Variants in AUTS2 observed in about 807,000 individuals in gnomAD.
AUTS2 encodes the protein activator of transcription and developmental regulator AUTS2.
Under a neutral mutation model 112.4 loss-of-function variants are expected in AUTS2, and 17 were observed. The ratio of observed to expected loss-of-function variants is 0.15; its 90% CI spans 0.10 to 0.23. The LOEUF is 0.23. AUTS2 is among the 10% of genes least tolerant of loss of function. The pLI is 1.00. For synonymous variants in AUTS2, 751 were observed against 702.7 expected (o/e 1.07, Z -1.09); for missense variants, 1,510 against 1,701.6 (o/e 0.89, Z 1.98).
intron 5 of AUTS2, among the ~76,000 whole-genome samples, chr7:70,616,199 T>C (rs578060516): frequency 1.3e-5 from 2 of 152,216 alleles, no homozygotes; most frequent in Non-Finnish European, 2.9e-5. Context: ...GGAAGAATCA[T>C]TGCTAACATG....
At chr7:70,619,070 A>G (rs957170818) in intron 5 of AUTS2, among the ~76,000 whole-genome samples, 7 of 152,088 alleles carry the variant, frequency 4.6e-5, no homozygotes, top group Admixed American at 2.0e-4. Flanking sequence ...AATTTTTTAT[A>G]AAGGCCAGAT....
At chr7:70,676,038 T>C (rs1298371936) in intron 5 of AUTS2, among the ~76,000 whole-genome samples, 1 of 152,206 alleles carries the variant, frequency 6.6e-6, no homozygotes, top group African/African-American at 2.4e-5. Flanking sequence ...CCTGTGTTTC[T>C]TCACATCTCA....
Position 70,784,279 on chromosome 7 carries a change from G to A in AUTS2, c.2147-663G>A, listed in dbSNP as rs76404916. 963 of 152,150 alleles carry A rather than the reference G, an allele frequency of 6.3e-3. 12 individuals are homozygous for A. The East Asian group carries it at 0.073, about 12-fold the overall frequency. 9.4% of individuals were successfully genotyped at this position (152,150 alleles called of 1,614,324 possible). ...AGTATCCTTCGATGTGGGTGCATGCGAACTAACATACTCTTCAGGAGAAGG... is the reference window on the plus strand; with the variant it reads ...AGTATCCTTCGATGTGGGTGCATGCAAACTAACATACTCTTCAGGAGAAGG... On this transcript the variant is annotated intron_variant, in intron 15 of 18. Coordinates refer to ENST00000342771, the MANE Select transcript of AUTS2 (RefSeq NM_015570.4).
intron 2 of AUTS2, among the ~76,000 whole-genome samples, chr7:70,056,292 TG>T (rs908419196): frequency 3.3e-5 from 5 of 152,204 alleles, no homozygotes; most frequent in African/African-American, 1.2e-4. Context: ...TTAGAGTCTT[TG>T]CAATTTTTAC....
At chr7:70,377,365 T>G (rs1185557803) in intron 4 of AUTS2, among the ~76,000 whole-genome samples, 2 of 118,762 alleles carry the variant, frequency 1.7e-5, no homozygotes, top group African/African-American at 3.2e-5. Flanking sequence ...TATATATATA[T>G]ATATATATAG....
chr7:69,621,021 A>G (rs930262125), intron 1 of AUTS2, among the ~76,000 whole-genome samples: 1 of 152,238 alleles, frequency 6.6e-6, no homozygotes, highest in Non-Finnish European at 1.5e-5. Flanking sequence ...ACATGAAAGT[A>G]CTTAATTGTC....
At chr7:70,245,163 T>TA (rs1812848943) in intron 4 of AUTS2, among the ~76,000 whole-genome samples, 1 of 138,426 alleles carries the variant, frequency 7.2e-6, no homozygotes, top group Non-Finnish European at 1.5e-5. Context: ...TATATATATA[T>TA]ATATATAAAA....
chr7:70,510,767 CAGGTAAT>C (rs1799149362), intron 5 of AUTS2, among the ~76,000 whole-genome samples: 1 of 152,042 alleles, frequency 6.6e-6, no homozygotes, highest in South Asian at 2.1e-4. Context: ...ATGTATTTAA[CAGGTAAT>C]AGGTTTATTG....
chr7:70,496,791 A>G (rs1798549341), intron 5 of AUTS2, among the ~76,000 whole-genome samples: 2 of 139,856 alleles, frequency 1.4e-5, no homozygotes, highest in African/African-American at 2.7e-5. Flanking sequence ...AGACACACAC[A>G]CACACCCCAC....
chr7:69,673,144 TAAA>T (rs961760424), intron 1 of AUTS2, among the ~76,000 whole-genome samples: 7 of 152,328 alleles, frequency 4.6e-5, no homozygotes, highest in South Asian at 4.1e-4. Context: ...CCTAGATACT[TAAA>T]AAAATTTTTT....
chr7:69,853,907 A>G (rs1792602002), intron 1 of AUTS2, among the ~76,000 whole-genome samples: 1 of 152,176 alleles, frequency 6.6e-6, no homozygotes, highest in Admixed American at 6.5e-5. Context: ...AGGATTCAAC[A>G]TTTAAATTCT....
chr7:70,080,664 C>G (rs996593361), intron 2 of AUTS2, among the ~76,000 whole-genome samples: 1 of 152,170 alleles, frequency 6.6e-6, no homozygotes, highest in Non-Finnish European at 1.5e-5. Context: ...CAACACACTA[C>G]TGTTTACAAT....
rs563642969 is a variant in AUTS2, at chr7:70,173,244, G to A, written c.660+38673G>A. On this transcript the variant is annotated intron_variant, in intron 4 of 18. Transcript: ENST00000342771. Reference sequence around the variant, plus strand: ...ATGCAAAAAATTAGCCAGGTATGGTGGTGGGTGCCTGTAGTCTGAGGCAGG... The same window carrying A: ...ATGCAAAAAATTAGCCAGGTATGGTAGTGGGTGCCTGTAGTCTGAGGCAGG... 1.2e-4 allele frequency among the ~76,000 whole-genome samples: 18 copies of A among 152,090 alleles called. No individual in the cohort carries two copies. The South Asian group carries it at 3.5e-3, about 30-fold the overall frequency.
rs1261497916 is a variant in AUTS2, at chr7:69,901,316, A to T, written c.522+1818A>T. 2.0e-5 allele frequency among the ~76,000 whole-genome samples: 3 copies of T among 151,908 alleles called. No individual in the cohort carries two copies. In the East Asian group the frequency reaches 5.8e-4, roughly 29 times the overall value. On this transcript the variant is annotated intron_variant, in intron 2 of 18. Coordinates refer to ENST00000342771, the MANE Select transcript of AUTS2 (RefSeq NM_015570.4). ...CCCCGCCCCAGCAGGGTAAGAAGGAAGCCTTCTTACTCTGAGTTAACACCA... is the reference window on the plus strand; with the variant it reads ...CCCCGCCCCAGCAGGGTAAGAAGGATGCCTTCTTACTCTGAGTTAACACCA...
intron 1 of AUTS2, among the ~76,000 whole-genome samples, chr7:69,665,115 G>T (rs1013554165): frequency 1.3e-5 from 2 of 152,116 alleles, no homozygotes; most frequent in African/African-American, 4.8e-5. Flanking sequence ...GAAATACACA[G>T]ATTTGCATTT....
chr7:70,786,022 T>C lies in AUTS2; in HGVS notation c.2292T>C (p.Leu764=), dbSNP rs751425445. ...AAVGGNAFGG[L]GNPSVTPNSM... ...TTGGTGGCAATGCCTTCGGGGGACT[T>C]GGAAATCCTTCCGTTAGTGAGTACC... Residue 764 remains leucine, a synonymous_variant, in exon 17 of 19, where the codon CTT becomes CTC. Coordinates refer to ENST00000342771, the MANE Select transcript of AUTS2 (RefSeq NM_015570.4). 3 of 1,613,968 alleles carry C rather than the reference T, an allele frequency of 1.9e-6. No individual in the cohort carries two copies. The highest frequency in any genetic ancestry group is 4.5e-5 in the East Asian group (2 of 44,898).
intron 2 of AUTS2, among the ~76,000 whole-genome samples, chr7:69,968,688 C>G (rs1415738032): frequency 6.6e-6 from 1 of 152,118 alleles, no homozygotes; most frequent in Admixed American, 6.6e-5. Flanking sequence ...TAGAGTTAAG[C>G]TGAGGCTCTA....
At chr7:70,479,148 T>G (rs1307108076) in intron 5 of AUTS2, among the ~76,000 whole-genome samples, 1 of 152,204 alleles carries the variant, frequency 6.6e-6, no homozygotes, top group Non-Finnish European at 1.5e-5. Flanking sequence ...TTTTTTGTGC[T>G]AAGGTATCAC....
At chr7:70,764,341 G>C (rs1314151673) in intron 7 of AUTS2, among the ~76,000 whole-genome samples, 1 of 152,158 alleles carries the variant, frequency 6.6e-6, no homozygotes, top group East Asian at 1.9e-4. Flanking sequence ...CAAGACAGAT[G>C]GGGGGAACTC....
Sources: gnomAD v4.1 joint callset for allele counts (sites outside exome capture counted in the v4.1 genomes callset) on GRCh38, gnomAD v4.1.1 for gene constraint, MANE v1.5 for transcripts, NCBI Gene and HGNC (gene_info 2026-07-23, HGNC 2026-07-21) for gene names.